Variants in RERE observed in about 807,000 individuals in gnomAD.
RERE encodes arginine-glutamic acid dipeptide repeats.
Under a neutral mutation model 146.1 loss-of-function variants are expected in RERE, and 40 were observed. That is an observed-to-expected ratio of 0.27 (90% CI 0.21 to 0.36). RERE has a LOEUF of 0.36. Ranked by LOEUF, RERE falls within the 10% of genes least tolerant of loss-of-function variation. RERE has a pLI of 1.00. For missense variants in RERE, 1,933 were observed against 2,138.7 expected (o/e 0.90, Z 1.90); for synonymous variants, 1,003 against 866.0 (o/e 1.16, Z -2.78).
At chr1:8,586,366 T>G (rs991454809) in intron 4 of RERE, among the ~76,000 whole-genome samples, 1 of 152,210 alleles carries the variant, frequency 6.6e-6, no homozygotes, top group African/African-American at 2.4e-5. Context: ...ACCTCGAAGA[T>G]GGCTGGCCAC....
chr1:8,392,319 A>C (rs1348281445), intron 12 of RERE, among the ~76,000 whole-genome samples: 2 of 152,256 alleles, frequency 1.3e-5, no homozygotes, highest in African/African-American at 4.8e-5. Context: ...CAATTGAAAA[A>C]ATAAAAAAAG....
chr1:8,406,016 C>A (rs544598299), intron 12 of RERE, among the ~76,000 whole-genome samples: 1 of 152,202 alleles, frequency 6.6e-6, no homozygotes, highest in Admixed American at 6.5e-5. Flanking sequence ...TCCCTTTCCC[C>A]CTAACAACTA....
chr1:8,672,744 A>G (rs1200450842), intron 1 of RERE, among the ~76,000 whole-genome samples: 1 of 152,218 alleles, frequency 6.6e-6, no homozygotes, highest in Non-Finnish European at 1.5e-5. Context: ...TCTGGACTCA[A>G]TCAATATGTC....
intron 12 of RERE, among the ~76,000 whole-genome samples, chr1:8,405,106 T>A (rs1643401840): frequency 6.6e-6 from 1 of 152,102 alleles, no homozygotes; most frequent in African/African-American, 2.4e-5. Flanking sequence ...GCAGGCTAAG[T>A]TAAAACACTG....
chr1:8,659,314 T>C (rs1638402498), intron 1 of RERE, among the ~76,000 whole-genome samples: 1 of 152,226 alleles, frequency 6.6e-6, no homozygotes, highest in Non-Finnish European at 1.5e-5. Context: ...CCCAGCACTT[T>C]GGGAGGCTGA....
chr1:8,757,090 CAAAAAAAAAAAA>C (rs34237128), intron 1 of RERE, among the ~76,000 whole-genome samples: 3 of 59,496 alleles, frequency 5.0e-5, no homozygotes, highest in African/African-American at 6.8e-5. Flanking sequence ...AACTCCATCT[CAAAAAAAAAAAA>C]AAAAAAAAAG....
intron 11 of RERE, among the ~76,000 whole-genome samples, chr1:8,445,723 G>A (rs1644308537): frequency 6.6e-6 from 1 of 151,856 alleles, no homozygotes; most frequent in Non-Finnish European, 1.5e-5. Context: ...GGCAGAACGT[G>A]CAGGTTTGTT....
chr1:8,507,737 C>CTGTTTTT (rs1645274609), intron 8 of RERE, among the ~76,000 whole-genome samples: 1 of 85,958 alleles, frequency 1.2e-5, no homozygotes. Flanking sequence ...CATCTTTTAT[C>CTGTTTTT]TTTTTTTTTT....
chr1:8,724,613 G>A (rs1000843422), intron 1 of RERE, among the ~76,000 whole-genome samples: 7 of 151,964 alleles, frequency 4.6e-5, no homozygotes, highest in African/African-American at 1.7e-4. Context: ...TCGGGAGGCT[G>A]AGGTGGGCAG....
chr1:8,581,526 A>C (rs1646365826), intron 4 of RERE, among the ~76,000 whole-genome samples: 1 of 152,190 alleles, frequency 6.6e-6, no homozygotes. Context: ...TCATTGCCTA[A>C]ATGAAAGTAA....
intron 1 of RERE, among the ~76,000 whole-genome samples, chr1:8,669,024 CTGTGTGTGTGTGTGTGTGTGTGTG>C (rs59647434): frequency 2.1e-4 from 9 of 43,816 alleles, no homozygotes; most frequent in South Asian, 8.0e-4. Context: ...GCACTCAACT[CTGTGTGTGTGTGTGTGTGTGTGTG>C]TGTGTGTGTG....
intron 4 of RERE, among the ~76,000 whole-genome samples, chr1:8,581,147 A>G (rs927658268): frequency 2.6e-5 from 4 of 152,214 alleles, no homozygotes; most frequent in Admixed American, 6.5e-5. Flanking sequence ...CCTTGCTAAC[A>G]TTCAGGGTTA....
At chr1:8,788,496 C>T (rs150152342) in intron 1 of RERE, among the ~76,000 whole-genome samples, 1 of 151,994 alleles carries the variant, frequency 6.6e-6, no homozygotes, top group East Asian at 1.9e-4. Context: ...TCCTCAGCAG[C>T]TGGGATTACA....
chr1:8,505,740 A>C (rs1340115091), intron 8 of RERE, among the ~76,000 whole-genome samples: 1 of 152,206 alleles, frequency 6.6e-6, no homozygotes, highest in Non-Finnish European at 1.5e-5. Flanking sequence ...CATGTTGCCC[A>C]GGCTGGTCTC....
intron 7 of RERE, among the ~76,000 whole-genome samples, chr1:8,530,364 G>A (rs370810426): frequency 1.3e-5 from 2 of 152,152 alleles, no homozygotes; most frequent in African/African-American, 4.8e-5. Context: ...AGTAGATTAT[G>A]TACCTCTATC....
At chr1:8,580,345 C>G (rs1646348506) in intron 4 of RERE, among the ~76,000 whole-genome samples, 1 of 152,168 alleles carries the variant, frequency 6.6e-6, no homozygotes, top group Admixed American at 6.5e-5. Context: ...ATAACTGGTC[C>G]ATATACACTG....
At chr1:8,385,364 C>T (rs1050802873) in intron 12 of RERE, among the ~76,000 whole-genome samples, 1 of 152,128 alleles carries the variant, frequency 6.6e-6, no homozygotes, top group Admixed American at 6.5e-5. Context: ...TAGAGGGTTC[C>T]GAACTCTCAA....
chr1:8,358,418 G>C lies in RERE; in HGVS notation c.4117C>G (p.Pro1373Ala). ...PFASFHPGLN[P>A]LERERLALAG... is the part of the protein sequence containing the mutation. ...AGGGCCAGTCTCTCCCTCTCCAAGG[G>C]GTTCAGGCCCGGGTGGAAAGAAGCA... is the stretch of plus-strand genomic sequence containing the variant. The change falls in exon 20 of 23, where the codon CCC becomes GCC. Residue 1373 changes from proline (P) to alanine (A), a missense_variant. Transcript: ENST00000400908. 6.3e-7 allele frequency: 1 copy of C among 1,596,584 alleles called. No homozygotes were observed. Among genetic ancestry groups the C allele is most frequent in the Non-Finnish European group, 8.6e-7 (1 of 1,167,902 alleles).
intron 7 of RERE, among the ~76,000 whole-genome samples, chr1:8,536,983 G>A (rs1463050): frequency 0.59 from 89,220 of 151,942 alleles, 26,799 homozygotes; most frequent in East Asian, 0.84. Flanking sequence ...AGGGAGGATC[G>A]CTGAAGCCCA....
Sources: gnomAD v4.1 joint callset for allele counts (sites outside exome capture counted in the v4.1 genomes callset) on GRCh38, gnomAD v4.1.1 for gene constraint, MANE v1.5 for transcripts, NCBI Gene and HGNC (gene_info 2026-07-23, HGNC 2026-07-21) for gene names.